Variants in COL25A1 observed in about 807,000 individuals in gnomAD.
COL25A1 encodes the protein collagen type XXV alpha 1 chain.
Under a neutral mutation model 128.4 loss-of-function variants are expected in COL25A1, and 103 were observed. That is an observed-to-expected ratio of 0.80 (90% CI 0.68 to 0.94). The LOEUF is 0.94. Among genes scored for constraint, COL25A1 ranks in the 40% least tolerant of loss-of-function variants. The pLI is 0.00. For synonymous variants in COL25A1, 279 were observed against 277.2 expected (o/e 1.01, Z -0.06); for missense variants, 745 against 840.0 (o/e 0.89, Z 1.40).
intron 3 of COL25A1, among the ~76,000 whole-genome samples, chr4:109,070,661 TA>T (rs1259322244): frequency 6.6e-6 from 1 of 150,922 alleles, no homozygotes; most frequent in Admixed American, 6.6e-5. Flanking sequence ...ACATTAGGTA[TA>T]ACTCCTAATG....
chr4:109,209,629 A>G (rs910852862), intron 3 of COL25A1, among the ~76,000 whole-genome samples: 2 of 152,186 alleles, frequency 1.3e-5, no homozygotes, highest in Non-Finnish European at 2.9e-5. Context: ...AAAAACCTTC[A>G]GTAAATAATT....
At chr4:108,838,868 G>A (rs780348392) in intron 31 of COL25A1, among the ~76,000 whole-genome samples, 20 of 152,144 alleles carry the variant, frequency 1.3e-4, no homozygotes, top group Non-Finnish European at 2.9e-4. Flanking sequence ...CACGGTAAAT[G>A]ATAAATTCTT....
intron 3 of COL25A1, among the ~76,000 whole-genome samples, chr4:109,291,346 T>G (rs1323355871): frequency 6.6e-6 from 1 of 152,136 alleles, no homozygotes. Context: ...TCCTAGAGAC[T>G]TCTTCCTAGT....
intron 3 of COL25A1, among the ~76,000 whole-genome samples, chr4:109,276,500 T>C (rs530913521): frequency 6.6e-6 from 1 of 152,136 alleles, no homozygotes; most frequent in Non-Finnish European, 1.5e-5. Context: ...TATAGTATAA[T>C]TCTTTGGGGG....
intron 3 of COL25A1, among the ~76,000 whole-genome samples, chr4:109,176,170 T>C (rs1774077283): frequency 1.3e-5 from 2 of 152,222 alleles, no homozygotes; most frequent in South Asian, 4.2e-4. Flanking sequence ...GGTGGGCAGA[T>C]CACGAGGTCA....
intron 3 of COL25A1, among the ~76,000 whole-genome samples, chr4:109,255,890 T>A (rs1781045994): frequency 6.6e-6 from 1 of 152,212 alleles, no homozygotes; most frequent in Admixed American, 6.5e-5. Context: ...CTTAGTAAGT[T>A]AAGTAAAATG....
intron 3 of COL25A1, among the ~76,000 whole-genome samples, chr4:109,091,537 C>G (rs1354988243): frequency 6.6e-6 from 1 of 152,106 alleles, no homozygotes; most frequent in Non-Finnish European, 1.5e-5. Flanking sequence ...GTCTGTCTAT[C>G]TAGCCTATAC....
chr4:109,276,090 G>T (rs1319182662), intron 3 of COL25A1, among the ~76,000 whole-genome samples: 1 of 152,138 alleles, frequency 6.6e-6, no homozygotes, highest in African/African-American at 2.4e-5. Context: ...GTTCTTACTG[G>T]ATGATAAACC....
chr4:109,171,696 C>G (rs1773603042), intron 3 of COL25A1, among the ~76,000 whole-genome samples: 1 of 152,192 alleles, frequency 6.6e-6, no homozygotes, highest in African/African-American at 2.4e-5. Flanking sequence ...ATAGCCACTA[C>G]TTTGACATAA....
intron 2 of COL25A1, 89 bp from the exon 3 acceptor site, chr4:109,300,741 C>T (rs1191130008): frequency 4.6e-6 from 4 of 865,004 alleles, no homozygotes; most frequent in East Asian, 2.5e-5. Flanking sequence ...CCTGATTTAC[C>T]GGCATTTCAT....
intron 3 of COL25A1, among the ~76,000 whole-genome samples, chr4:109,256,085 G>GGTGTGTGT (rs60794002): frequency 0.028 from 4,003 of 143,294 alleles, 73 homozygotes; most frequent in African/African-American, 0.044. Context: ...TTTAAGCATT[G>GGTGTGTGT]GTGTGTGTGT....
intron 11 of COL25A1, among the ~76,000 whole-genome samples, chr4:108,923,528 T>C (rs1365433206): frequency 6.6e-6 from 1 of 152,090 alleles, no homozygotes; most frequent in Non-Finnish European, 1.5e-5. Flanking sequence ...TAATGTTTTG[T>C]AGAGACAAGG....
intron 3 of COL25A1, among the ~76,000 whole-genome samples, chr4:109,251,502 T>C (rs1316559792): frequency 6.6e-6 from 1 of 152,200 alleles, no homozygotes; most frequent in African/African-American, 2.4e-5. Flanking sequence ...CTTACCTTCG[T>C]GGTAGAATAG....
chr4:109,264,775 C>A (rs72892735), intron 3 of COL25A1, among the ~76,000 whole-genome samples: 1,677 of 152,296 alleles, frequency 0.011, 38 homozygotes, highest in African/African-American at 0.038. Flanking sequence ...CATGTGATAT[C>A]ATTGGCACTC....
intron 3 of COL25A1, among the ~76,000 whole-genome samples, chr4:109,065,537 C>CGCGCGCGT (rs1560624817): frequency 7.6e-6 from 1 of 132,104 alleles, no homozygotes; most frequent in African/African-American, 3.0e-5. Flanking sequence ...GCAGCACGCG[C>CGCGCGCGT]GCGCGCGCGT....
At position 108,948,336 on chromosome 4, in the gene COL25A1, AT is replaced by A. The variant is rs376203211; in HGVS notation, c.493-6900del. 2.2e-3 allele frequency among the ~76,000 whole-genome samples: 331 copies of A among 152,302 alleles called. 2 individuals are homozygous for A. Among genetic ancestry groups the A allele is most frequent in the African/African-American group, 7.6e-3 (317 of 41,570 alleles). On this transcript the variant is annotated intron_variant, in intron 8 of 37. Transcript: ENST00000399132. Reference sequence around the variant, plus strand: ...TTTTGAACAATCATGTAATATGAGAATTGGGGCCTGTGGAAATCAGAAGTTA... The same window carrying A: ...TTTTGAACAATCATGTAATATGAGAATGGGGCCTGTGGAAATCAGAAGTTA...
At chr4:108,864,286 A>G (rs1737616945) in intron 20 of COL25A1, among the ~76,000 whole-genome samples, 1 of 152,194 alleles carries the variant, frequency 6.6e-6, no homozygotes, top group African/African-American at 2.4e-5. Context: ...TTCATTCTGC[A>G]GTCACTTTTT....
intron 3 of COL25A1, among the ~76,000 whole-genome samples, chr4:109,188,703 G>A (rs915854249): frequency 2.5e-4 from 38 of 152,212 alleles, no homozygotes; most frequent in African/African-American, 8.7e-4. Context: ...AATCAAGTGT[G>A]TAAAAGGAAA....
At chr4:109,209,546 T>G (rs190905891) in intron 3 of COL25A1, among the ~76,000 whole-genome samples, 1 of 152,164 alleles carries the variant, frequency 6.6e-6, no homozygotes, top group African/African-American at 2.4e-5. Context: ...TTGGGGATAT[T>G]TATGAGATTC....
Sources: allele counts gnomAD v4.1 joint callset (sites outside exome capture counted in the v4.1 genomes callset), GRCh38; gene constraint gnomAD v4.1.1; transcripts MANE v1.5; gene names NCBI Gene and HGNC (gene_info 2026-07-23, HGNC 2026-07-21).